The following MRAP2 variants were observed in gnomAD, a reference collection of about 807,000 sequenced individuals.
MRAP2 encodes melanocortin 2 receptor accessory protein 2.
In MRAP2, 20 loss-of-function variants were observed where a neutral mutation model predicts 17.4. That is an observed-to-expected ratio of 1.15 (90% confidence interval 0.81 to 1.67). The LOEUF (loss-of-function observed/expected upper bound fraction) is 1.67, where lower values mean the gene tolerates loss of function less well. MRAP2 is among the 40% of genes most tolerant of loss of function. The pLI is 0.00. For synonymous variants in MRAP2, 96 were observed against 88.4 expected (o/e 1.09, Z -0.48); for missense variants, 238 against 240.0 (o/e 0.99, Z 0.05).
chr6:84,109,932 C>T, the MRAP2 span, among the ~76,000 whole-genome samples: 90 of 152,240 alleles, frequency 5.9e-4, no homozygotes, highest in East Asian at 0.012. Context: ...GACATGAACT[C>T]ATCGTTTTTT....
At chr6:84,073,608 A>G (rs904749512) in intron 3 of MRAP2, among the ~76,000 whole-genome samples, 2 of 152,170 alleles carry the variant, frequency 1.3e-5, no homozygotes, top group African/African-American at 4.8e-5. Context: ...CCCATCCACC[A>G]TGATGATTAC....
chr6:84,042,243 G>A (rs751088918), intron 1 of MRAP2, among the ~76,000 whole-genome samples: 3 of 152,188 alleles, frequency 2.0e-5, no homozygotes, highest in East Asian at 1.9e-4. Flanking sequence ...AGTTTCCTGA[G>A]GCCTTCTTAG....
intron 1 of MRAP2, among the ~76,000 whole-genome samples, chr6:84,036,924 C>G (rs1009701350): frequency 3.9e-5 from 6 of 152,072 alleles, no homozygotes; most frequent in East Asian, 1.9e-4. Flanking sequence ...TAACTAGACA[C>G]AGAGCACTGA....
At chr6:84,124,953 T>C in the MRAP2 span, 1 of 770,788 alleles carries the variant, frequency 1.3e-6, no homozygotes, top group Non-Finnish European at 2.1e-6. Context: ...TTGCTTTGGT[T>C]GTTTGCTTTC....
chr6:84,100,758 T>A, the MRAP2 span, among the ~76,000 whole-genome samples: 2 of 152,224 alleles, frequency 1.3e-5, no homozygotes, highest in East Asian at 1.9e-4. Flanking sequence ...TTTGGCTATA[T>A]GTACATGTCT....
At chr6:84,132,749 C>G in the MRAP2 span, among the ~76,000 whole-genome samples, 3 of 152,118 alleles carry the variant, frequency 2.0e-5, no homozygotes, top group Admixed American at 1.3e-4. Context: ...TTCGTCTACT[C>G]TTTTTTCAAG....
At chr6:84,058,062 G>C (rs1407821153) in intron 2 of MRAP2, among the ~76,000 whole-genome samples, 4 of 152,162 alleles carry the variant, frequency 2.6e-5, no homozygotes, top group Admixed American at 2.6e-4. Flanking sequence ...TGGGGACAAG[G>C]ACATGGGGGG....
intron 3 of MRAP2, among the ~76,000 whole-genome samples, chr6:84,076,637 A>G (rs1469477603): frequency 1.3e-5 from 2 of 152,074 alleles, no homozygotes; most frequent in African/African-American, 4.8e-5. Context: ...TGGGATTACA[A>G]ACGTGAGCCA....
chr6:84,046,127 T>A (rs557983648), intron 1 of MRAP2, among the ~76,000 whole-genome samples: 1 of 152,396 alleles, frequency 6.6e-6, no homozygotes, highest in Non-Finnish European at 1.5e-5. Flanking sequence ...TGCAGAGGAC[T>A]GCCTTTATTG....
At chr6:84,111,385 C>G in the MRAP2 span, among the ~76,000 whole-genome samples, 2 of 150,242 alleles carry the variant, frequency 1.3e-5, no homozygotes, top group Non-Finnish European at 2.9e-5. Context: ...TGGGAGTTCA[C>G]TCATGATTTG....
chr6:84,061,068 C>A (rs891179514), intron 2 of MRAP2, among the ~76,000 whole-genome samples: 6 of 151,952 alleles, frequency 3.9e-5, no homozygotes, highest in Admixed American at 2.0e-4. Context: ...ATTTCTTTGG[C>A]ACTTAAGGTT....
chr6:84,081,749 C>A (rs2099499064), intron 3 of MRAP2, among the ~76,000 whole-genome samples: 1 of 152,128 alleles, frequency 6.6e-6, no homozygotes, highest in Non-Finnish European at 1.5e-5. Context: ...AACTGGGAGG[C>A]AGAGGTTGCA....
intron 2 of MRAP2, 83 bp downstream of exon 2, chr6:84,055,528 C>A (rs1168407712): frequency 1.4e-6 from 2 of 1,390,296 alleles, no homozygotes; most frequent in African/African-American, 2.9e-5. Context: ...TTCTCCTGAG[C>A]ATTCTTTCTT....
At chr6:84,041,655 T>C (rs1193644256) in intron 1 of MRAP2, among the ~76,000 whole-genome samples, 1 of 152,270 alleles carries the variant, frequency 6.6e-6, no homozygotes, top group Non-Finnish European at 1.5e-5. Context: ...AAGGAGATTA[T>C]TTCAGAGCTT....
At position 84,089,585 on chromosome 6, in the gene MRAP2, CAT is replaced by C; in HGVS notation, c.*106_*107del. 7.7e-7 allele frequency: 1 copy of C among 1,306,982 alleles called. No homozygotes were observed. Among genetic ancestry groups the C allele is most frequent in the Non-Finnish European group, 1.1e-6 (1 of 945,916 alleles). The allele number at this position is 1,306,982 out of a possible 1,614,324, so 81.0% of individuals were successfully genotyped here. A position where few individuals can be genotyped will look rare whatever the true frequency, so the allele number is the denominator to read the frequency against. The stretch of plus-strand genomic sequence containing the variant: ...TGTGTGTGTTTGGGGGAGAGAGAGA[CAT>C]AGAGATAGAGACAGAGAGGCAGAGA... On this transcript the variant is annotated 3_prime_UTR_variant, in exon 4 of 4. Coordinates refer to ENST00000257776, the MANE Select transcript of MRAP2 (RefSeq NM_138409.4).
At chr6:84,057,188 A>AGTCAG (rs2099491900) in intron 2 of MRAP2, among the ~76,000 whole-genome samples, 1 of 152,222 alleles carries the variant, frequency 6.6e-6, no homozygotes, top group Admixed American at 6.5e-5. Context: ...GATCAAGTCA[A>AGTCAG]CTGTTGAAAT....
chr6:84,052,722 G>A (rs1295976013), intron 1 of MRAP2: 1 of 761,722 alleles, frequency 1.3e-6, no homozygotes. Flanking sequence ...CAGGCAACTG[G>A]TGGCTGCCTG....
the MRAP2 span, among the ~76,000 whole-genome samples, chr6:84,102,955 T>G: frequency 6.6e-6 from 1 of 152,122 alleles, no homozygotes; most frequent in Non-Finnish European, 1.5e-5. Flanking sequence ...AATCAAGAAG[T>G]AAAATGATGA....
the MRAP2 span, among the ~76,000 whole-genome samples, chr6:84,128,111 C>A: frequency 6.6e-6 from 1 of 152,162 alleles, no homozygotes; most frequent in East Asian, 1.9e-4. Context: ...CAGCGCTGCC[C>A]ATGGCAGAGA....
Sources: gnomAD v4.1 joint callset for allele counts (sites outside exome capture counted in the v4.1 genomes callset) on GRCh38, gnomAD v4.1.1 for gene constraint, MANE v1.5 for transcripts, NCBI Gene and HGNC (gene_info 2026-07-23, HGNC 2026-07-21) for gene names.